AGAP1: variants seen among roughly 807,000 people sequenced by gnomAD.
AGAP1 encodes the protein ArfGAP with GTPase domain, ankyrin repeat and PH domain 1.
AGAP1 carries 29 observed loss-of-function variants against 105.3 expected under a neutral mutation model. The observed-to-expected ratio is 0.28, with a 90% confidence interval of 0.21 to 0.38. The LOEUF is 0.38. Ranked by LOEUF, AGAP1 falls within the 10% of genes least tolerant of loss-of-function variation. The pLI is 1.00. For missense variants in AGAP1, 998 were observed against 1,165.1 expected (o/e 0.86, Z 2.09); for synonymous variants, 509 against 485.9 (o/e 1.05, Z -0.63).
At position 235,600,123 on chromosome 2, in the gene AGAP1, T is replaced by C. The variant is rs111873631; in HGVS notation, c.163+105274T>C. Among the ~76,000 whole-genome samples, 706 of 152,250 alleles carry C rather than the reference T, an allele frequency of 4.6e-3. 1 individual carries two copies. The highest frequency in any genetic ancestry group is 8.2e-3 in the Non-Finnish European group (558 of 68,012). ...TTCCTCTCTCGTAACTGTTATTTAC[T>C]CAGTAATTACAGGTTCAAGTCCCTT... On this transcript the variant is annotated intron_variant, in intron 1 of 17. Coordinates refer to ENST00000304032, the MANE Select transcript of AGAP1 (RefSeq NM_001037131.3). The surrounding 1 kb of genome is among the most constrained non-coding windows in gnomAD (Gnocchi z 4.8).
intron 9 of AGAP1, chr2:235,853,026 C>A (rs2048542237): frequency 1.6e-6 from 2 of 1,245,192 alleles, no homozygotes; most frequent in Non-Finnish European, 2.0e-6. Flanking sequence ...CGGCAACTCA[C>A]AAAAGACCCC....
In AGAP1 at chr2:236,003,284, A is replaced by G. The variant is rs2056199785; in HGVS notation, c.1646-33277A>G. ...GGTCTCGAACTCCTGGCCTCAGGTGATCTGCCTGCCTCAGCCTCCCAGAGT... is the reference window on the plus strand; with the variant it reads ...GGTCTCGAACTCCTGGCCTCAGGTGGTCTGCCTGCCTCAGCCTCCCAGAGT... On this transcript the variant is annotated intron_variant, in intron 13 of 17. Transcript: ENST00000304032. The surrounding 1 kb of genome is among the most constrained non-coding windows in gnomAD (Gnocchi z 4.2). 6.6e-6 allele frequency among the ~76,000 whole-genome samples: 1 copy of G among 152,110 alleles called. No individual in the cohort carries two copies. Among genetic ancestry groups the G allele is most frequent in the Non-Finnish European group, 1.5e-5 (1 of 68,014 alleles).
chr2:235,778,712 G>A (rs1956068848), intron 6 of AGAP1, among the ~76,000 whole-genome samples: 1 of 152,214 alleles, frequency 6.6e-6, no homozygotes, highest in Non-Finnish European at 1.5e-5. Context: ...TTGGAGCAGG[G>A]CCCCACACAA....
At chr2:236,112,260 A>G (rs2059665832) in intron 16 of AGAP1, among the ~76,000 whole-genome samples, 2 of 152,144 alleles carry the variant, frequency 1.3e-5, no homozygotes, top group Non-Finnish European at 1.5e-5. Context: ...TACTAAAAAT[A>G]CAAAAATTAG....
chr2:235,917,318 G>T (rs538187334), intron 11 of AGAP1, among the ~76,000 whole-genome samples: 1 of 152,234 alleles, frequency 6.6e-6, no homozygotes, highest in Non-Finnish European at 1.5e-5. Flanking sequence ...TCTCAACCAT[G>T]CTGTTTTCTC....
chr2:235,709,466 G>C, intron 2 of AGAP1, among the ~76,000 whole-genome samples: 1 of 152,022 alleles, frequency 6.6e-6, no homozygotes, highest in East Asian at 1.9e-4. Flanking sequence ...CAGCCAGGGC[G>C]GTGTCTCATG....
intron 1 of AGAP1, among the ~76,000 whole-genome samples, chr2:235,538,391 CCT>C (rs1943310712): frequency 6.8e-6 from 1 of 147,492 alleles, no homozygotes; most frequent in South Asian, 2.2e-4. Context: ...TATGCTTGCT[CCT>C]CTCCTAGGCT....
intron 9 of AGAP1, among the ~76,000 whole-genome samples, chr2:235,835,529 C>T (rs1261329474): frequency 1.3e-5 from 2 of 152,150 alleles, no homozygotes; most frequent in African/African-American, 4.8e-5. Context: ...TGTAAGTTGC[C>T]CACTGCCCCA....
rs955032023 is a variant in AGAP1 at position 235,959,474 on chromosome 2, C to T, written c.1484-8988C>T. On this transcript the variant is annotated intron_variant, in intron 12 of 17. Coordinates refer to ENST00000304032, the MANE Select transcript of AGAP1 (RefSeq NM_001037131.3). This position sits in a 1 kb window ranked among gnomAD's most constrained non-coding sequence, Gnocchi z 7.3. ...TAGAAGCCAGGGGCATTCATATTCC[C>T]GTGGCCGAGCTCAGCGCCCAGTGGA... Among the ~76,000 whole-genome samples the T allele has an allele frequency of 2.0e-5, 3 of 152,290 alleles. No homozygotes were observed. The highest frequency in any genetic ancestry group is 1.9e-4 in the East Asian group (1 of 5,176).
At chr2:235,763,011 G>A (rs148033522) in intron 6 of AGAP1, among the ~76,000 whole-genome samples, 55 of 149,962 alleles carry the variant, frequency 3.7e-4, no homozygotes, top group Non-Finnish European at 6.1e-4. Flanking sequence ...ACTGCCACCC[G>A]GGGGCAATGA....
chr2:235,852,598 A>G, intron 9 of AGAP1: 1 of 1,230,614 alleles, frequency 8.1e-7, no homozygotes. Context: ...AGTAAGGGTT[A>G]GGTAATTGAG....
Position 235,857,766 on chromosome 2 carries a change from T to C in AGAP1, c.1051-25579T>C, listed in dbSNP as rs188749164. On this transcript the variant is annotated intron_variant, in intron 9 of 17. Coordinates refer to ENST00000304032, the MANE Select transcript of AGAP1 (RefSeq NM_001037131.3). ...AAGCAGCTAATAATAAGCATTCTTA[T>C]GTAACTGATTTGCAAGAATGTAGTA... Among the ~76,000 whole-genome samples the C allele has an allele frequency of 3.2e-4, 48 of 152,378 alleles. No individual in the cohort carries two copies. In the East Asian group the frequency reaches 6.0e-3, roughly 19 times the overall value.
chr2:235,500,992 C>T (rs1227319714), intron 1 of AGAP1, among the ~76,000 whole-genome samples: 1 of 152,162 alleles, frequency 6.6e-6, no homozygotes, highest in Non-Finnish European at 1.5e-5. Context: ...TAACACCAAT[C>T]AAAGAGCCTC....
chr2:235,588,564 T>C (rs1945211863), intron 1 of AGAP1, among the ~76,000 whole-genome samples: 1 of 152,206 alleles, frequency 6.6e-6, no homozygotes, highest in African/African-American at 2.4e-5. Flanking sequence ...AATTGGGTTT[T>C]CAAAGAGCTG....
At chr2:235,949,522 C>A (rs1559684099) in intron 12 of AGAP1, among the ~76,000 whole-genome samples, 1 of 152,148 alleles carries the variant, frequency 6.6e-6, no homozygotes, top group Admixed American at 6.5e-5. Context: ...TAGTCTCTTT[C>A]TTCACAACTG....
At chr2:235,940,072 A>C (rs1349875002) in intron 12 of AGAP1, among the ~76,000 whole-genome samples, 1 of 151,834 alleles carries the variant, frequency 6.6e-6, no homozygotes, top group African/African-American at 2.4e-5. Flanking sequence ...TTTCTCACCC[A>C]CCTTTTCACC....
In AGAP1 at chr2:235,960,709, G is replaced by A. The variant is rs190470859; in HGVS notation, c.1484-7753G>A. ...TCTCTTCACTCTAGAAATCAGCCCC[G>A]TGGGACAGGGGTCTTGCCCTTTATT... On this transcript the variant is annotated intron_variant, in intron 12 of 17. Coordinates refer to ENST00000304032, the MANE Select transcript of AGAP1 (RefSeq NM_001037131.3). This position sits in a 1 kb window ranked among gnomAD's most constrained non-coding sequence, Gnocchi z 4.9. Among the ~76,000 whole-genome samples the A allele has an allele frequency of 3.8e-3, 582 of 152,326 alleles. 3 individuals carry two copies. Among genetic ancestry groups the A allele is most frequent in the Non-Finnish European group, 5.8e-3 (392 of 68,022 alleles).
In AGAP1 at chr2:235,583,457, G is replaced by A. The variant is rs576695543; in HGVS notation, c.163+88608G>A. Among the ~76,000 whole-genome samples the A allele has an allele frequency of 1.1e-4, 17 of 152,130 alleles. No homozygotes were observed. The South Asian group carries it at 3.1e-3, about 28-fold the overall frequency. ...TGAACCTATGCGGCTGCTTCAGGCC[G>A]GTGGTTGTTGGCCTGATAGGAAGAG... is the stretch of plus-strand genomic sequence containing the variant. On this transcript the variant is annotated intron_variant, in intron 1 of 17. Transcript: ENST00000304032.
At chr2:235,668,397 T>A (rs2149350587) in intron 1 of AGAP1, among the ~76,000 whole-genome samples, 1 of 152,192 alleles carries the variant, frequency 6.6e-6, no homozygotes. Context: ...TAGGGAAAGC[T>A]GGCACCTGAC....
Sources: allele counts gnomAD v4.1 joint callset (sites outside exome capture counted in the v4.1 genomes callset), GRCh38; gene constraint gnomAD v4.1.1; non-coding constraint Gnocchi (gnomAD v3.1); transcripts MANE v1.5; gene names NCBI Gene and HGNC (gene_info 2026-07-23, HGNC 2026-07-21).